Variants in TASP1 observed in about 807,000 individuals in gnomAD.
TASP1 encodes the protein threonine aspartase 1.
In TASP1, 16 loss-of-function variants were observed where a neutral mutation model predicts 56.6. The ratio of observed to expected loss-of-function variants is 0.28; its 90% CI spans 0.19 to 0.43. TASP1 has a LOEUF of 0.43. Ranked by LOEUF, TASP1 falls within the 20% of genes least tolerant of loss-of-function variation. TASP1 has a pLI of 1.00. For synonymous variants in TASP1, 179 were observed against 184.2 expected (o/e 0.97, Z 0.23); for missense variants, 393 against 511.6 (o/e 0.77, Z 2.24).
At chr20:13,465,936 T>C (rs2044239878) in intron 11 of TASP1, among the ~76,000 whole-genome samples, 2 of 152,248 alleles carry the variant, frequency 1.3e-5, no homozygotes, top group Non-Finnish European at 1.5e-5. Context: ...TTGTGGTGAA[T>C]ACATGAACTC....
chr20:13,622,060 T>C (rs575238649), intron 4 of TASP1, among the ~76,000 whole-genome samples: 1 of 152,354 alleles, frequency 6.6e-6, no homozygotes, highest in South Asian at 2.1e-4. Flanking sequence ...TTTGATGCTG[T>C]AAAACTTGTC....
intron 13 of TASP1, among the ~76,000 whole-genome samples, chr20:13,400,445 AT>A (rs2041694256): frequency 6.6e-6 from 1 of 152,206 alleles, no homozygotes; most frequent in Non-Finnish European, 1.5e-5. Flanking sequence ...AAATCAAAGA[AT>A]TATTGGGGTT....
At chr20:13,277,520 A>G in the TASP1 span, among the ~76,000 whole-genome samples, 3 of 151,794 alleles carry the variant, frequency 2.0e-5, no homozygotes, top group African/African-American at 4.8e-5. Context: ...CTCCTTCTCC[A>G]CTTGTCTTTC....
chr20:13,481,223 G>C (rs917441476), intron 11 of TASP1, among the ~76,000 whole-genome samples: 1 of 152,036 alleles, frequency 6.6e-6, no homozygotes, highest in African/African-American at 2.4e-5. Flanking sequence ...ATCTCCCCCA[G>C]TTCCATCCAT....
At chr20:13,581,434 T>C (rs2047121532) in intron 5 of TASP1, among the ~76,000 whole-genome samples, 1 of 152,118 alleles carries the variant, frequency 6.6e-6, no homozygotes, top group African/African-American at 2.4e-5. Context: ...AAATTGACCT[T>C]GGAGAGAAAA....
chr20:13,179,347 A>G, the TASP1 span, among the ~76,000 whole-genome samples: 2 of 152,110 alleles, frequency 1.3e-5, no homozygotes, highest in Non-Finnish European at 2.9e-5. Context: ...GTATAAATGC[A>G]TAGGAAAATA....
chr20:13,326,297 G>T, the TASP1 span, among the ~76,000 whole-genome samples: 1 of 152,138 alleles, frequency 6.6e-6, no homozygotes, highest in African/African-American at 2.4e-5. Context: ...ATTTTTATGT[G>T]CACCTAAGAT....
At chr20:13,345,800 A>AG in the TASP1 span, among the ~76,000 whole-genome samples, 3 of 151,634 alleles carry the variant, frequency 2.0e-5, no homozygotes, top group African/African-American at 4.8e-5. Flanking sequence ...TTGAGGTTAC[A>AG]GGGGGGCAGC....
At chr20:13,626,670 C>G (rs943215197) in intron 2 of TASP1, among the ~76,000 whole-genome samples, 5 of 152,224 alleles carry the variant, frequency 3.3e-5, no homozygotes, top group East Asian at 1.9e-4. Flanking sequence ...CTCAAGAGAA[C>G]TCTGAACATT....
intron 11 of TASP1, among the ~76,000 whole-genome samples, chr20:13,451,935 G>A (rs1019797472): frequency 4.6e-5 from 7 of 151,934 alleles, no homozygotes; most frequent in African/African-American, 1.7e-4. Context: ...GTCATTAATT[G>A]GCCTAATTTC....
chr20:13,111,976 AGG>A, the TASP1 span, among the ~76,000 whole-genome samples: 2 of 152,180 alleles, frequency 1.3e-5, no homozygotes, highest in Non-Finnish European at 2.9e-5. Flanking sequence ...CAGAAGGACA[AGG>A]GACCCAGGTG....
chr20:13,211,216 G>A, the TASP1 span, among the ~76,000 whole-genome samples: 37 of 152,218 alleles, frequency 2.4e-4, no homozygotes, highest in East Asian at 3.7e-3. Flanking sequence ...CTATAATGAC[G>A]TATAGGTTTA....
the TASP1 span, among the ~76,000 whole-genome samples, chr20:13,194,617 CTA>C: frequency 7.9e-5 from 12 of 151,172 alleles, no homozygotes; most frequent in African/African-American, 2.7e-4. Context: ...TTTCTGCCAT[CTA>C]TATCAGTTTC....
At chr20:13,374,627 C>T in the TASP1 span, among the ~76,000 whole-genome samples, 1 of 152,184 alleles carries the variant, frequency 6.6e-6, no homozygotes, top group East Asian at 1.9e-4. Context: ...GGATTACAGA[C>T]ATGAGCCACC....
chr20:13,317,489 T>C, the TASP1 span, among the ~76,000 whole-genome samples: 1 of 151,906 alleles, frequency 6.6e-6, no homozygotes, highest in Admixed American at 6.6e-5. Flanking sequence ...GCCAACAAAA[T>C]ATTGAAGGAG....
chr20:13,170,805 G>C, the TASP1 span, among the ~76,000 whole-genome samples: 1 of 152,172 alleles, frequency 6.6e-6, no homozygotes, highest in African/African-American at 2.4e-5. Context: ...TATGGGCCAA[G>C]AACTAAGGCA....
chr20:13,572,756 A>G (rs1371178219), intron 6 of TASP1, among the ~76,000 whole-genome samples: 2 of 151,614 alleles, frequency 1.3e-5, no homozygotes, highest in Non-Finnish European at 2.9e-5. Flanking sequence ...CCTGAAACGG[A>G]CTATCTGGGC....
chr20:13,473,193 T>C (rs143118261), intron 11 of TASP1, among the ~76,000 whole-genome samples: 2,572 of 152,236 alleles, frequency 0.017, 80 homozygotes, highest in African/African-American at 0.057. Context: ...TGTAGTGACA[T>C]GGATGAAGCT....
chr20:13,422,928 C>T (rs186666135), intron 12 of TASP1, among the ~76,000 whole-genome samples: 1 of 152,194 alleles, frequency 6.6e-6, no homozygotes, highest in East Asian at 1.9e-4. Context: ...AGCAAGTAGG[C>T]AAATTAACAA....
Sources: gnomAD v4.1 joint callset for allele counts (sites outside exome capture counted in the v4.1 genomes callset) on GRCh38, gnomAD v4.1.1 for gene constraint, MANE v1.5 for transcripts, NCBI Gene and HGNC (gene_info 2026-07-23, HGNC 2026-07-21) for gene names.